Variants in PCLO observed in about 807,000 individuals in gnomAD.
PCLO encodes protein piccolo.
In PCLO, 82 loss-of-function variants were observed where a neutral mutation model predicts 427.5. That is an observed-to-expected ratio of 0.19 (90% CI 0.16 to 0.23). PCLO has a LOEUF of 0.23. Among genes scored for constraint, PCLO ranks in the 10% least tolerant of loss-of-function variants. The pLI, the probability that PCLO is intolerant of heterozygous loss-of-function variation, is 1.00. For missense variants in PCLO, 6,239 were observed against 6,115.9 expected (o/e 1.02, Z -0.67); for synonymous variants, 2,357 against 2,155.4 (o/e 1.09, Z -2.59).
Position 83,135,044 on chromosome 7 carries a change from G to A in PCLO, c.2506C>T (p.Pro836Ser). The A allele has an allele frequency of 6.2e-7, 1 of 1,613,928 alleles. No individual in the cohort carries two copies. Among genetic ancestry groups the A allele is most frequent in the Non-Finnish European group, 8.5e-7 (1 of 1,179,852 alleles). The change falls in exon 3 of 25, where the codon CCC becomes TCC. Residue 836 changes from proline to serine, a missense_variant. Coordinates refer to ENST00000333891, the MANE Select transcript of PCLO (RefSeq NM_033026.6). The stretch of plus-strand genomic sequence containing the variant: ...TTTTGACCTTTGCTCTCTGAACTGG[G>A]ACCAGGATGTGAAATAATTTTTGAA... ...SDSKIISHPG[P>S]SSESKGQKQV...
intron 3 of PCLO, among the ~76,000 whole-genome samples, chr7:83,094,733 A>C (rs1332847371): frequency 2.0e-5 from 3 of 152,074 alleles, no homozygotes; most frequent in Admixed American, 6.6e-5. Context: ...AGACATCTTC[A>C]TTTTTCTGGG....
intron 6 of PCLO, among the ~76,000 whole-genome samples, chr7:82,935,664 A>G (rs1449975256): frequency 1.3e-5 from 2 of 151,680 alleles, no homozygotes; most frequent in African/African-American, 4.8e-5. Flanking sequence ...CATTTATGCC[A>G]AAAGTGAAAC....
chr7:83,055,730 G>C (rs375880309), intron 3 of PCLO, among the ~76,000 whole-genome samples: 2 of 152,264 alleles, frequency 1.3e-5, no homozygotes, highest in East Asian at 1.9e-4. Flanking sequence ...AAGAATTCTA[G>C]AATATTGTGT....
At chr7:83,099,637 G>T (rs6977681) in intron 3 of PCLO, among the ~76,000 whole-genome samples, 4 of 151,720 alleles carry the variant, frequency 2.6e-5, no homozygotes, top group South Asian at 4.1e-4. Context: ...GTGATCCACC[G>T]GCCTCGGCCT....
At chr7:82,929,676 A>G (rs923298360) in intron 6 of PCLO, among the ~76,000 whole-genome samples, 8 of 152,138 alleles carry the variant, frequency 5.3e-5, no homozygotes, top group Non-Finnish European at 8.8e-5. Context: ...ACACTCATAT[A>G]TTTCTCAAGC....
At chr7:83,049,116 G>T (rs528115457) in intron 3 of PCLO, among the ~76,000 whole-genome samples, 1 of 152,212 alleles carries the variant, frequency 6.6e-6, no homozygotes, top group African/African-American at 2.4e-5. Context: ...CAGTCACCAA[G>T]TTCACCTCTT....
At chr7:83,130,813 G>T (rs377688172) in intron 3 of PCLO, among the ~76,000 whole-genome samples, 3 of 152,274 alleles carry the variant, frequency 2.0e-5, no homozygotes, top group Non-Finnish European at 2.9e-5. Flanking sequence ...AGACTCATTT[G>T]TTGCATAGTG....
At chr7:82,867,053 A>T (rs1156298731) in intron 10 of PCLO, among the ~76,000 whole-genome samples, 1 of 152,180 alleles carries the variant, frequency 6.6e-6, no homozygotes, top group Non-Finnish European at 1.5e-5. Context: ...CAATGAAACT[A>T]AAAGAATACA....
At chr7:82,928,567 A>G (rs1794768297) in intron 6 of PCLO, among the ~76,000 whole-genome samples, 1 of 152,090 alleles carries the variant, frequency 6.6e-6, no homozygotes, top group Non-Finnish European at 1.5e-5. Flanking sequence ...TATTTTTAGT[A>G]GAGACAGGGT....
chr7:83,110,400 C>T (rs1264601360), intron 3 of PCLO, among the ~76,000 whole-genome samples: 3 of 151,800 alleles, frequency 2.0e-5, no homozygotes, highest in African/African-American at 7.3e-5. Context: ...ACTTGTTTTC[C>T]TTAAATATGT....
In PCLO at chr7:83,079,451, G is replaced by GGAA. The variant is rs71522644; in HGVS notation, c.3300+54796_3300+54798dup. Among the ~76,000 whole-genome samples the GGAA allele has an allele frequency of 8.5e-3, 1,287 of 151,906 alleles. 12 individuals are homozygous for GGAA. Among genetic ancestry groups the GGAA allele is most frequent in the Non-Finnish European group, 0.014 (930 of 67,906 alleles). On this transcript the variant is annotated intron_variant, in intron 3 of 24. Transcript: ENST00000333891. The stretch of plus-strand genomic sequence containing the variant: ...CTGGAACCATTGAGGGGGAGGAGAA[G>GGAA]GAAGAAGAAGAAGAAGAAAAGAAAA...
chr7:82,886,806 C>T (rs1374870112), intron 9 of PCLO, among the ~76,000 whole-genome samples: 3 of 152,092 alleles, frequency 2.0e-5, no homozygotes, highest in Admixed American at 6.6e-5. Context: ...AATAACTGGG[C>T]TAACAAGATT....
intron 3 of PCLO, among the ~76,000 whole-genome samples, chr7:82,995,889 G>A (rs1796484575): frequency 6.6e-6 from 1 of 151,880 alleles, no homozygotes; most frequent in Non-Finnish European, 1.5e-5. Context: ...ATATAAGTAT[G>A]TTTAGTACGT....
In PCLO at chr7:82,911,451, A is replaced by T. The variant is rs959742814; in HGVS notation, c.13301-2438T>A. On this transcript the variant is annotated intron_variant, in intron 7 of 24. Coordinates refer to ENST00000333891, the MANE Select transcript of PCLO (RefSeq NM_033026.6). ...AGGAGACTAACAGTATTTTTTTTTT[A>T]AACTTGACAATATTTTCTTGAATTC... 4.0e-5 allele frequency among the ~76,000 whole-genome samples: 6 copies of T among 149,600 alleles called. No individual in the cohort carries two copies. In the East Asian group the frequency reaches 7.7e-4, roughly 19 times the overall value.
intron 3 of PCLO, among the ~76,000 whole-genome samples, chr7:83,028,672 A>G (rs1788572729): frequency 2.0e-5 from 3 of 151,008 alleles, no homozygotes; most frequent in Admixed American, 2.0e-4. Flanking sequence ...CCAAAAGAAC[A>G]AAGCTGGAGG....
rs141956447 is a variant in PCLO at position 83,086,455 on chromosome 7, T to C, written c.3300+47795A>G. ...ATAAAGGGGGTGAAAAACTTCCTTATTGATAATGACAGGTAAAACCATGCC... is the reference window on the plus strand; with the variant it reads ...ATAAAGGGGGTGAAAAACTTCCTTACTGATAATGACAGGTAAAACCATGCC... On this transcript the variant is annotated intron_variant, in intron 3 of 24. Transcript: ENST00000333891. Among the ~76,000 whole-genome samples, 1,292 of 151,646 alleles carry C rather than the reference T, an allele frequency of 8.5e-3. 12 individuals are homozygous for C. The highest frequency in any genetic ancestry group is 0.014 in the Non-Finnish European group (933 of 67,932).
intron 3 of PCLO, among the ~76,000 whole-genome samples, chr7:83,038,044 T>TATA (rs1430821447): frequency 1.3e-4 from 6 of 46,906 alleles, no homozygotes; most frequent in African/African-American, 1.1e-3. Context: ...TATATTTATA[T>TATA]ATATATCTTT....
At chr7:82,895,259 G>A (rs1207586300) in intron 9 of PCLO, among the ~76,000 whole-genome samples, 1 of 151,702 alleles carries the variant, frequency 6.6e-6, no homozygotes, top group Non-Finnish European at 1.5e-5. Context: ...AAAATTACAA[G>A]GGAATTAAGA....
At chr7:83,138,201 T>C (rs551102508) in intron 2 of PCLO, among the ~76,000 whole-genome samples, 15 of 152,344 alleles carry the variant, frequency 9.8e-5, no homozygotes, top group African/African-American at 3.6e-4. Context: ...GTATCCACAT[T>C]AACTAGTTTA....
Sources: gnomAD v4.1 joint callset for allele counts (sites outside exome capture counted in the v4.1 genomes callset) on GRCh38, gnomAD v4.1.1 for gene constraint, MANE v1.5 for transcripts, NCBI Gene and HGNC (gene_info 2026-07-23, HGNC 2026-07-21) for gene names.